AFAP1: variants seen among roughly 807,000 people sequenced by gnomAD.
AFAP1 encodes the protein actin filament associated protein 1, also known as actin filament-associated protein 1.
A neutral mutation model predicts 93.9 loss-of-function variants in AFAP1; 75 were observed. The observed-to-expected ratio is 0.80, with a 90% CI of 0.66 to 0.97. AFAP1 has a LOEUF of 0.97. Ranked by LOEUF, AFAP1 falls within the 50% of genes least tolerant of loss-of-function variation. AFAP1 has a pLI of 0.00. For synonymous variants in AFAP1, 517 were observed against 430.7 expected (o/e 1.20, Z -2.48); for missense variants, 1,201 against 1,050.8 (o/e 1.14, Z -1.98).
intron 4 of AFAP1, among the ~76,000 whole-genome samples, chr4:7,845,546 C>CA (rs1185636054): frequency 1.3e-5 from 2 of 152,080 alleles, no homozygotes; most frequent in African/African-American, 4.8e-5. Context: ...AGGAGCAGCT[C>CA]AGAGGCCACG....
At chr4:7,805,570 G>T (rs1719432452) in intron 9 of AFAP1, among the ~76,000 whole-genome samples, 1 of 152,230 alleles carries the variant, frequency 6.6e-6, no homozygotes, top group African/African-American at 2.4e-5. Flanking sequence ...AGTGTTTCAT[G>T]TATTTTATCC....
At position 7,830,745 on chromosome 4, in the gene AFAP1, G is replaced by T. The variant is rs188160592; in HGVS notation, c.726+7779C>A. Among the ~76,000 whole-genome samples the T allele has an allele frequency of 2.7e-3, 408 of 152,140 alleles. 1 individual carries two copies. The highest frequency in any genetic ancestry group is 9.6e-3 in the African/African-American group (399 of 41,512). On this transcript the variant is annotated intron_variant, in intron 6 of 17. Transcript: ENST00000420658. The stretch of plus-strand genomic sequence containing the variant: ...CTGCCTCTGCCCCTCAAGAAGCTGG[G>T]ACTATAGGCTATGCCACCATGCTCA...
intron 4 of AFAP1, among the ~76,000 whole-genome samples, chr4:7,846,410 C>T (rs867198914): frequency 3.3e-5 from 5 of 152,144 alleles, no homozygotes; most frequent in African/African-American, 4.8e-5. Context: ...GAGGCCAGAC[C>T]GCAGATCGCG....
chr4:7,855,821 T>C (rs1405396614), intron 3 of AFAP1, among the ~76,000 whole-genome samples: 1 of 152,204 alleles, frequency 6.6e-6, no homozygotes, highest in Non-Finnish European at 1.5e-5. Flanking sequence ...CCAGGTTCGG[T>C]GTGTGCAGCA....
chr4:7,798,814 CCTGA>C, intron 10 of AFAP1: 1 of 919,202 alleles, frequency 1.1e-6, no homozygotes, highest in South Asian at 4.7e-5. Flanking sequence ...CCAAACAGCT[CCTGA>C]CTTCCACCCA....
intron 3 of AFAP1, among the ~76,000 whole-genome samples, chr4:7,864,817 G>A (rs1026042801): frequency 1.3e-5 from 2 of 152,192 alleles, no homozygotes; most frequent in Admixed American, 1.3e-4. Flanking sequence ...GAAAGGTTCA[G>A]TCAAAACAAA....
intron 6 of AFAP1, among the ~76,000 whole-genome samples, chr4:7,829,139 TC>T (rs35657962): frequency 1.3e-5 from 2 of 152,146 alleles, no homozygotes; most frequent in Non-Finnish European, 2.9e-5. Flanking sequence ...TCCCAAGGCC[TC>T]CCCAGCCATG....
intron 3 of AFAP1, among the ~76,000 whole-genome samples, chr4:7,861,644 G>A (rs960183093): frequency 6.6e-6 from 1 of 152,214 alleles, no homozygotes; most frequent in African/African-American, 2.4e-5. Flanking sequence ...CCATCAGCAG[G>A]CAGGCATCCA....
intron 1 of AFAP1, among the ~76,000 whole-genome samples, chr4:7,920,280 T>A (rs1262927317): frequency 1.3e-5 from 2 of 152,238 alleles, no homozygotes; most frequent in African/African-American, 4.8e-5. Context: ...TTTGGCCATT[T>A]TGAATTGAAT....
chr4:7,882,206 A>G (rs1330246033), intron 1 of AFAP1, among the ~76,000 whole-genome samples: 1 of 149,040 alleles, frequency 6.7e-6, no homozygotes, highest in Non-Finnish European at 1.5e-5. Flanking sequence ...ACTAGGTTAA[A>G]TAGATAATTC....
chr4:7,886,480 T>C (rs1444974456), intron 1 of AFAP1, among the ~76,000 whole-genome samples: 2 of 152,216 alleles, frequency 1.3e-5, no homozygotes, highest in East Asian at 1.9e-4. Flanking sequence ...CCTGTGTTTA[T>C]AAAAGGGATC....
At chr4:7,868,782 C>A in intron 2 of AFAP1, 63 bp from the exon 3 acceptor site, 1 of 1,418,854 alleles carries the variant, frequency 7.0e-7, no homozygotes, top group Non-Finnish European at 9.9e-7. Flanking sequence ...GTACCACTAG[C>A]ATCTATCAGT....
chr4:7,876,069 T>C (rs1233499822), intron 1 of AFAP1, among the ~76,000 whole-genome samples: 3 of 152,226 alleles, frequency 2.0e-5, no homozygotes, highest in Non-Finnish European at 4.4e-5. Context: ...ATGTATGCTA[T>C]GCATATTTAA....
Position 7,887,363 on chromosome 4 carries a change from G to T in AFAP1, c.-2-15283C>A, listed in dbSNP as rs115376266. 2.5e-3 allele frequency among the ~76,000 whole-genome samples: 382 copies of T among 152,294 alleles called. 3 individuals carry two copies. The highest frequency in any genetic ancestry group is 8.8e-3 in the African/African-American group (365 of 41,556). On this transcript the variant is annotated intron_variant, in intron 1 of 17. Transcript: ENST00000420658. ...AAACGTGATCCCAAGTTAGAGACAA[G>T]CAGTACGCAAATAAATATAAACACA...
In AFAP1 at chr4:7,763,638, C is replaced by G. The variant is rs1038675667; in HGVS notation, c.*127G>C. ...TGGGGGACAGGCACTGGCCTCAGAG[C>G]TCAGTCGTGGAGCCTCTGGAGTCGT... On this transcript the variant is annotated 3_prime_UTR_variant, in exon 18 of 18. Coordinates refer to ENST00000420658, the MANE Select transcript of AFAP1 (RefSeq NM_001134647.2). 3.6e-6 allele frequency: 4 copies of G among 1,111,620 alleles called. No homozygotes were observed. The highest frequency in any genetic ancestry group is 5.2e-6 in the Non-Finnish European group (4 of 764,310). 68.9% of individuals were successfully genotyped at this position (1,111,620 alleles called of 1,614,324 possible). A position where few individuals can be genotyped will look rare whatever the true frequency, so the allele number is the denominator to read the frequency against.
intron 1 of AFAP1, among the ~76,000 whole-genome samples, chr4:7,929,791 A>G (rs1423877351): frequency 6.6e-6 from 1 of 152,222 alleles, no homozygotes; most frequent in Non-Finnish European, 1.5e-5. Flanking sequence ...GAGGAAGATC[A>G]GCCAAGGGCT....
intron 1 of AFAP1, among the ~76,000 whole-genome samples, chr4:7,921,690 G>A (rs1359970321): frequency 6.6e-6 from 1 of 152,192 alleles, no homozygotes; most frequent in Non-Finnish European, 1.5e-5. Flanking sequence ...TGCATCCTAT[G>A]CACATATTCA....
Position 7,819,185 on chromosome 4 carries a change from A to G in AFAP1, c.727-14T>C. 6.2e-7 allele frequency: 1 copy of G among 1,602,056 alleles called. No homozygotes were observed. Among genetic ancestry groups the G allele is most frequent in the African/African-American group, 1.3e-5 (1 of 74,372 alleles). On this transcript the variant is annotated splice_polypyrimidine_tract_variant and intron_variant, in intron 6 of 17. Coordinates refer to ENST00000420658, the MANE Select transcript of AFAP1 (RefSeq NM_001134647.2). The stretch of plus-strand genomic sequence containing the variant: ...TTCTTTGATCACCTATAAAAAGCAC[A>G]GACACTTTGTGAGTATGCCCAAAGG...
At chr4:7,937,536 G>A (rs1331289196) in intron 1 of AFAP1, among the ~76,000 whole-genome samples, 2 of 152,178 alleles carry the variant, frequency 1.3e-5, no homozygotes, top group East Asian at 3.9e-4. Flanking sequence ...GCCCAGGCTG[G>A]AGTGCAGTGG....
Sources: gnomAD v4.1 joint callset for allele counts (sites outside exome capture counted in the v4.1 genomes callset) on GRCh38, gnomAD v4.1.1 for gene constraint, MANE v1.5 for transcripts, NCBI Gene and HGNC (gene_info 2026-07-23, HGNC 2026-07-21) for gene names.